DIDO1: variants seen among roughly 807,000 people sequenced by gnomAD.
DIDO1 encodes the protein death inducer-obliterator 1, also known as death-inducer obliterator 1.
In DIDO1, 16 loss-of-function variants were observed where a neutral mutation model predicts 99.4. The ratio of observed to expected loss-of-function variants is 0.16; its 90% CI spans 0.11 to 0.24. The LOEUF is 0.24. Ranked by LOEUF, DIDO1 falls within the 10% of genes least tolerant of loss-of-function variation. The pLI is 1.00. For synonymous variants in DIDO1, 1,366 were observed against 1,239.1 expected, an observed-to-expected ratio of 1.10 and a Z score of -2.15; for missense variants, 2,996 against 3,014.0, an observed-to-expected ratio of 0.99 and a Z score of 0.14.
intron 6 of DIDO1, chr20:62,905,526 G>C: frequency 1.3e-6 from 2 of 1,550,980 alleles, no homozygotes; most frequent in South Asian, 2.4e-5. Flanking sequence ...GTGCAGACAG[G>C]GGTGGATGTG....
At chr20:62,889,553 T>C in intron 15 of DIDO1, 1 of 985,486 alleles carries the variant, frequency 1.0e-6, no homozygotes, top group Non-Finnish European at 1.2e-6. Context: ...GTGTCTGCAC[T>C]GAGTGCACAC....
chr20:62,895,193 A>G, intron 8 of DIDO1, 28 bp from the exon 9 acceptor site: 9 of 1,564,650 alleles, frequency 5.8e-6, no homozygotes, highest in Non-Finnish European at 7.9e-6. Context: ...TCATTTACTC[A>G]AATAATATTC....
chr20:62,906,308 G>A (rs138039205), intron 5 of DIDO1, among the ~76,000 whole-genome samples: 3 of 152,218 alleles, frequency 2.0e-5, no homozygotes, highest in African/African-American at 7.2e-5. Flanking sequence ...GTGCAAAACT[G>A]AGAACTTCAA....
At position 62,881,777 on chromosome 20, in the gene DIDO1, C is replaced by T. The variant is rs766692767; in HGVS notation, c.4179G>A (p.Pro1393=). ...CAAGCTGAGTGTCGAAGGCCCTCTCCGGGTCGTACTCCTCCTCAGGGTCGT... is the reference window on the plus strand; with the variant it reads ...CAAGCTGAGTGTCGAAGGCCCTCTCTGGGTCGTACTCCTCCTCAGGGTCGT... The part of the protein sequence containing the change: ...RPYDPEEEYD[P]ERAFDTQLVE... Residue 1393 remains proline, a synonymous_variant, in exon 16 of 16, where the codon CCG becomes CCA. Transcript: ENST00000395343. This position sits in a 1 kb window ranked among gnomAD's most constrained non-coding sequence, Gnocchi z 8.3. The T allele has an allele frequency of 3.1e-6, 5 of 1,613,356 alleles. No individual in the cohort carries two copies. Among genetic ancestry groups the T allele is most frequent in the Non-Finnish European group, 4.2e-6 (5 of 1,180,026 alleles).
At chr20:62,885,423 G>A (rs2064281735) in intron 15 of DIDO1, among the ~76,000 whole-genome samples, 1 of 152,168 alleles carries the variant, frequency 6.6e-6, no homozygotes, top group Non-Finnish European at 1.5e-5. Context: ...CCCGTCTCGT[G>A]GTGTGTCACT....
In DIDO1 at chr20:62,911,620, G is replaced by A. The variant is rs202122647; in HGVS notation, c.-2-6C>T. On this transcript the variant is annotated splice_polypyrimidine_tract_variant and splice_region_variant and intron_variant, in intron 2 of 15. Transcript: ENST00000395343. This position sits in a 1 kb window ranked among gnomAD's most constrained non-coding sequence, Gnocchi z 7.0. ...GTCGCCTTTGTCGTCCATACCTAGC[G>A]GTAAAGTGTAAGCACATAGTGACCA... 26 of 1,552,074 alleles carry A rather than the reference G, an allele frequency of 1.7e-5. No individual in the cohort carries two copies. Among genetic ancestry groups the A allele is most frequent in the East Asian group, 6.8e-5 (3 of 44,158 alleles).
At chr20:62,901,766 C>T (rs940355975) in intron 6 of DIDO1, among the ~76,000 whole-genome samples, 2 of 149,776 alleles carry the variant, frequency 1.3e-5, no homozygotes, top group Non-Finnish European at 1.5e-5. Flanking sequence ...AGTTACTTCT[C>T]TAACTTTTAG....
chr20:62,891,371 C>G (rs768547240), intron 14 of DIDO1, among the ~76,000 whole-genome samples: 1 of 152,196 alleles, frequency 6.6e-6, no homozygotes, highest in African/African-American at 2.4e-5. Flanking sequence ...ACGACGGCCC[C>G]GGTCACGAGG....
intron 1 of DIDO1, among the ~76,000 whole-genome samples, chr20:62,935,134 CAGTT>C (rs2065368946): frequency 6.6e-6 from 1 of 152,184 alleles, no homozygotes; most frequent in Admixed American, 6.5e-5. Flanking sequence ...TGATCATTCT[CAGTT>C]GGTGCCACCA....
chr20:62,899,162 T>C (rs539868154), intron 6 of DIDO1, among the ~76,000 whole-genome samples: 89 of 152,356 alleles, frequency 5.8e-4, no homozygotes, highest in African/African-American at 1.9e-3. Context: ...GACAGACACC[T>C]GCCGGGAAGC....
chr20:62,908,250 G>A (rs1306170190), intron 4 of DIDO1, among the ~76,000 whole-genome samples: 2 of 152,140 alleles, frequency 1.3e-5, no homozygotes, highest in Non-Finnish European at 2.9e-5. Flanking sequence ...CAAAGTGCTG[G>A]GATGACAGGT....
At position 62,879,783 on chromosome 20, in the gene DIDO1, C is replaced by A. The variant is rs2064165155; in HGVS notation, c.6173G>T (p.Gly2058Val). The A allele has an allele frequency of 5.6e-6, 9 of 1,611,366 alleles. No individual in the cohort carries two copies. The highest frequency in any genetic ancestry group is 5.3e-5 in the African/African-American group (4 of 75,002). Residue 2058 changes from glycine to valine, a missense_variant, in exon 16 of 16, where the codon GGC becomes GTC. This residue lies in a region of DIDO1 where 1,562 missense variants were observed against 1,412.6 expected (regional missense o/e 1.11). Coordinates refer to ENST00000395343, the MANE Select transcript of DIDO1 (RefSeq NM_001193369.2). The surrounding 1 kb of genome is among the most constrained non-coding windows in gnomAD (Gnocchi z 6.3). ...SALSSSAPGQ[G>V]PEADGQWASA... ...TGCCCACTGTCCGTCGGCCTCGGGG[C>A]CCTGTCCGGGCGCACTGGAGGAGAG...
rs569582806 is a variant in DIDO1, at chr20:62,922,139, T to C, written c.-200+4300A>G. Among the ~76,000 whole-genome samples the C allele has an allele frequency of 3.6e-3, 533 of 146,474 alleles. 2 individuals are homozygous for C. Among genetic ancestry groups the C allele is most frequent in the African/African-American group, 9.6e-3 (380 of 39,426 alleles). On this transcript the variant is annotated intron_variant, in intron 1 of 15. Transcript: ENST00000395343. ...ACACACACACACATATATACATATA[T>C]ACACACACACACACACAAACAATGC... is the stretch of plus-strand genomic sequence containing the variant.
chr20:62,918,822 C>G (rs944223147), intron 1 of DIDO1, among the ~76,000 whole-genome samples: 1 of 145,298 alleles, frequency 6.9e-6, no homozygotes, highest in Admixed American at 7.0e-5. Flanking sequence ...GCTCATCAAT[C>G]TGTTTATTAT....
chr20:62,925,076 AT>A (rs2065227207), intron 1 of DIDO1, among the ~76,000 whole-genome samples: 1 of 152,170 alleles, frequency 6.6e-6, no homozygotes, highest in Non-Finnish European at 1.5e-5. Context: ...TCTATGCCGT[AT>A]TTAAAATAGT....
chr20:62,892,320 T>C (rs888870390), intron 13 of DIDO1, among the ~76,000 whole-genome samples: 5 of 152,248 alleles, frequency 3.3e-5, no homozygotes, highest in African/African-American at 9.6e-5. Flanking sequence ...AACACTTCTA[T>C]GCTGTCTTTA....
Position 62,879,894 on chromosome 20 carries a change from G to C in DIDO1, c.6062C>G (p.Pro2021Arg), listed in dbSNP as rs2064168481. ...AAGCTCCAGCAGGGGCCTGGGGCCC[G>C]GCTTCATCACCTGCGGGGCCTGGCC... ...FQGQAPQVMK[P>R]GPRPLLELPS... Residue 2021 changes from proline to arginine, a missense_variant, in exon 16 of 16, where the codon CCG becomes CGG. By Grantham distance (103) the Pro-to-Arg change is moderately radical (BLOSUM62 -2). Transcript: ENST00000395343. This position sits in a 1 kb window ranked among gnomAD's most constrained non-coding sequence, Gnocchi z 6.3. 1 of 1,587,060 alleles carries C rather than the reference G, an allele frequency of 6.3e-7. No homozygotes were observed. The highest frequency in any genetic ancestry group is 8.6e-7 in the Non-Finnish European group (1 of 1,169,210).
chr20:62,923,604 G>A (rs1365641046), intron 1 of DIDO1, among the ~76,000 whole-genome samples: 2 of 152,226 alleles, frequency 1.3e-5, no homozygotes, highest in African/African-American at 4.8e-5. Context: ...GTTCACTAGT[G>A]CAAAACAGCT....
intron 1 of DIDO1, among the ~76,000 whole-genome samples, chr20:62,920,414 G>A (rs1003033874): frequency 6.6e-6 from 1 of 152,184 alleles, no homozygotes; most frequent in Non-Finnish European, 1.5e-5. Flanking sequence ...TTCAGCAAGG[G>A]GCTGTGTAGG....
Sources: allele counts gnomAD v4.1 joint callset (sites outside exome capture counted in the v4.1 genomes callset), GRCh38; gene constraint gnomAD v4.1.1; regional missense constraint gnomAD v4.1.1; non-coding constraint Gnocchi (gnomAD v3.1); transcripts MANE v1.5; gene names NCBI Gene and HGNC (gene_info 2026-07-23, HGNC 2026-07-21).